KSR2: variants seen among roughly 807,000 people sequenced by gnomAD.
KSR2 encodes kinase suppressor of ras 2.
KSR2 carries 25 observed loss-of-function variants against 107.8 expected under a neutral mutation model. The observed-to-expected ratio is 0.23, with a 90% CI of 0.17 to 0.32. The LOEUF (loss-of-function observed/expected upper bound fraction) is 0.32, where lower values mean the gene tolerates loss of function less well. Among genes scored for constraint, KSR2 ranks in the 10% least tolerant of loss-of-function variants. The probability of loss-of-function intolerance (pLI) is 1.00; values close to 1 mark genes in which losing one functional copy is unlikely to be tolerated. For synonymous variants in KSR2, 480 were observed against 507.0 expected (o/e 0.95, Z 0.71); for missense variants, 887 against 1,268.9 (o/e 0.70, Z 4.57).
At chr12:117,695,993 G>A (rs993927952) in intron 4 of KSR2, among the ~76,000 whole-genome samples, 2 of 152,168 alleles carry the variant, frequency 1.3e-5, no homozygotes, top group African/African-American at 2.4e-5. Context: ...AGCCATCGGC[G>A]GGCTGGGCTG....
At chr12:117,616,160 CG>C (rs1565927650) in intron 5 of KSR2, among the ~76,000 whole-genome samples, 2 of 51,152 alleles carry the variant, frequency 3.9e-5, no homozygotes, top group African/African-American at 7.6e-5. Flanking sequence ...GACCCTGTCT[CG>C]AAAAAAAAAA....
intron 3 of KSR2, among the ~76,000 whole-genome samples, chr12:117,814,523 C>A (rs143208500): frequency 2.0e-5 from 3 of 152,252 alleles, no homozygotes; most frequent in African/African-American, 7.2e-5. Context: ...AACACCAAGA[C>A]CCCTGACAAA....
At chr12:117,880,675 C>T (rs1008459237) in intron 1 of KSR2, among the ~76,000 whole-genome samples, 3 of 151,476 alleles carry the variant, frequency 2.0e-5, no homozygotes, top group Non-Finnish European at 2.9e-5. Flanking sequence ...TCCACTAACC[C>T]CTCCTCATAT....
chr12:117,840,066 T>C (rs1380223999), intron 3 of KSR2, among the ~76,000 whole-genome samples: 1 of 151,766 alleles, frequency 6.6e-6, no homozygotes, highest in Non-Finnish European at 1.5e-5. Flanking sequence ...CCTTCCAGAC[T>C]TTTTTCCCAT....
intron 4 of KSR2, among the ~76,000 whole-genome samples, chr12:117,692,433 A>G (rs1885854137): frequency 7.2e-6 from 1 of 138,460 alleles, no homozygotes; most frequent in South Asian, 2.4e-4. Context: ...TTACCATATG[A>G]CCTGGCAACT....
At position 117,845,007 on chromosome 12, in the gene KSR2, G is replaced by A. The variant is rs144152762; in HGVS notation, c.472+10421C>T. ...TAAAAATAGAAAAAATTAGCCAGGC[G>A]TGGTGGCGGGTGCCTGTAGTCCCAG... On this transcript the variant is annotated intron_variant, in intron 3 of 19. Transcript: ENST00000339824. Among the ~76,000 whole-genome samples the A allele has an allele frequency of 2.0e-3, 300 of 152,196 alleles. 6 individuals carry two copies. In the East Asian group the frequency reaches 0.051, roughly 26 times the overall value.
At chr12:117,705,701 T>C (rs17439358) in intron 4 of KSR2, among the ~76,000 whole-genome samples, 12,632 of 152,292 alleles carry the variant, frequency 0.083, 723 homozygotes, top group Admixed American at 0.13. Flanking sequence ...TCCTGATAGA[T>C]TGGGCCATAA....
intron 1 of KSR2, among the ~76,000 whole-genome samples, chr12:117,947,222 AAAGAAAG>A (rs1566094646): frequency 1.2e-4 from 12 of 96,856 alleles, no homozygotes; most frequent in Non-Finnish European, 1.9e-4. Flanking sequence ...AGAAAGAAAG[AAAGAAAG>A]AAAGAAAGAA....
At chr12:117,608,028 C>T (rs1166022539) in intron 5 of KSR2, among the ~76,000 whole-genome samples, 5 of 152,170 alleles carry the variant, frequency 3.3e-5, no homozygotes, top group Non-Finnish European at 5.9e-5. Flanking sequence ...ACAACCACCC[C>T]TTGAGGGGAG....
intron 4 of KSR2, among the ~76,000 whole-genome samples, chr12:117,706,270 C>T (rs144840656): frequency 0.025 from 3,774 of 151,928 alleles, 152 homozygotes; most frequent in African/African-American, 0.087. Flanking sequence ...TCTTAAACTT[C>T]TGACCTCAGG....
intron 12 of KSR2, among the ~76,000 whole-genome samples, chr12:117,530,058 A>G (rs1486263626): frequency 6.6e-6 from 1 of 152,150 alleles, no homozygotes; most frequent in South Asian, 2.1e-4. Context: ...AACAATGTCT[A>G]TGGAGAGGCT....
chr12:117,544,120 G>A (rs1876687628), intron 9 of KSR2, among the ~76,000 whole-genome samples: 1 of 152,128 alleles, frequency 6.6e-6, no homozygotes, highest in South Asian at 2.1e-4. Flanking sequence ...ATATCTTTGT[G>A]CGGAATACAG....
chr12:117,487,922 A>T (rs1872552559), intron 14 of KSR2, among the ~76,000 whole-genome samples: 1 of 152,122 alleles, frequency 6.6e-6, no homozygotes, highest in South Asian at 2.1e-4. Context: ...AATAACCCTG[A>T]TATGGTTTGG....
At chr12:117,480,319 G>A (rs939890858) in intron 16 of KSR2, among the ~76,000 whole-genome samples, 7 of 152,206 alleles carry the variant, frequency 4.6e-5, no homozygotes, top group African/African-American at 9.6e-5. Context: ...TGGTGACCAC[G>A]CCTGGCACGG....
intron 4 of KSR2, among the ~76,000 whole-genome samples, chr12:117,669,012 G>A: frequency 6.6e-6 from 1 of 152,122 alleles, no homozygotes; most frequent in Non-Finnish European, 1.5e-5. Flanking sequence ...TTTGATCCAT[G>A]GCCAGTTATA....
intron 1 of KSR2, among the ~76,000 whole-genome samples, chr12:117,911,480 G>A (rs1342135841): frequency 1.3e-5 from 2 of 152,178 alleles, no homozygotes; most frequent in Non-Finnish European, 2.9e-5. Context: ...AGACTAATGA[G>A]CAAGAAATAA....
At position 117,902,180 on chromosome 12, in the gene KSR2, C is replaced by T. The variant is rs144671685; in HGVS notation, c.181-41749G>A. Among the ~76,000 whole-genome samples, 220 of 152,114 alleles carry T rather than the reference C, an allele frequency of 1.4e-3. 1 individual carries two copies. Among genetic ancestry groups the T allele is most frequent in the African/African-American group, 5.0e-3 (207 of 41,508 alleles). On this transcript the variant is annotated intron_variant, in intron 1 of 19. Coordinates refer to ENST00000339824, the MANE Select transcript of KSR2 (RefSeq NM_173598.6). ...TGCTAAATGAGAATTACCAGGTGGC[C>T]GGATGTGGTGGCTCACACCTGTAAT...
chr12:117,497,907 T>C (rs1873138746), intron 14 of KSR2, among the ~76,000 whole-genome samples: 1 of 152,244 alleles, frequency 6.6e-6, no homozygotes, highest in Admixed American at 6.5e-5. Flanking sequence ...TGTGATTTTA[T>C]GTCCAACTTT....
chr12:117,933,089 G>C (rs1318257798), intron 1 of KSR2, among the ~76,000 whole-genome samples: 1 of 152,096 alleles, frequency 6.6e-6, no homozygotes, highest in Non-Finnish European at 1.5e-5. Flanking sequence ...ACCATTTGGG[G>C]GTTCTTCCCA....
Sources: gnomAD v4.1 joint callset for allele counts (sites outside exome capture counted in the v4.1 genomes callset) on GRCh38, gnomAD v4.1.1 for gene constraint, MANE v1.5 for transcripts, NCBI Gene and HGNC (gene_info 2026-07-23, HGNC 2026-07-21) for gene names.